The following NCKAP5L variants were observed in gnomAD, a reference collection of about 807,000 sequenced individuals.
The protein encoded by NCKAP5L is NCK associated protein 5 like.
In NCKAP5L, 54 loss-of-function variants were observed where a neutral mutation model predicts 103.2. That is an observed-to-expected ratio of 0.52 (90% CI 0.42 to 0.66). The LOEUF (loss-of-function observed/expected upper bound fraction) is 0.66, where lower values mean the gene tolerates loss of function less well. Ranked by LOEUF, NCKAP5L falls within the 30% of genes least tolerant of loss-of-function variation. NCKAP5L has a pLI of 0.00. For synonymous variants in NCKAP5L, 762 were observed against 748.6 expected (o/e 1.02, Z -0.29); for missense variants, 1,733 against 1,750.6 (o/e 0.99, Z 0.18).
intron 1 of NCKAP5L, among the ~76,000 whole-genome samples, chr12:49,813,282 C>T (rs561428667): frequency 6.6e-6 from 1 of 152,280 alleles, no homozygotes; most frequent in South Asian, 2.1e-4. Context: ...TATGAGGGTT[C>T]CAATTTCTCC....
Position 49,797,466 on chromosome 12 carries a change from G to GA in NCKAP5L, c.466-73_466-72insT. ...GATCCAGTTCCAGGCCCAGGCCCTG[G>GA]GCTGGCTTAACAGGGAATGCCAGGA... On this transcript the variant is annotated intron_variant, in intron 7 of 12. Coordinates refer to ENST00000335999, the MANE Select transcript of NCKAP5L (RefSeq NM_001037806.4). The surrounding 1 kb of genome is among the most constrained non-coding windows in gnomAD (Gnocchi z 4.5). 1 of 1,238,650 alleles carries GA rather than the reference G, an allele frequency of 8.1e-7. No homozygotes were observed. The highest frequency in any genetic ancestry group is 1.1e-6 in the Non-Finnish European group (1 of 897,116). 76.7% of individuals were successfully genotyped at this position (1,238,650 alleles called of 1,614,324 possible).
chr12:49,793,731 T>C lies in NCKAP5L; in HGVS notation c.3258+3A>G, dbSNP rs767319886. On this transcript the variant is annotated splice_donor_region_variant and intron_variant, in intron 9 of 12. Coordinates refer to ENST00000335999, the MANE Select transcript of NCKAP5L (RefSeq NM_001037806.4). ...CCACCCAGTCCCTACCCCAAGAACT[T>C]ACCTTTCCAGGAGGTTTTCCGCAGC... 1 of 1,547,580 alleles carries C rather than the reference T, an allele frequency of 6.5e-7. No homozygotes were observed. The highest frequency in any genetic ancestry group is 8.7e-7 in the Non-Finnish European group (1 of 1,146,998).
intron 1 of NCKAP5L, among the ~76,000 whole-genome samples, chr12:49,822,722 T>A (rs1946374668): frequency 6.6e-6 from 1 of 151,976 alleles, no homozygotes. Flanking sequence ...AATTTTTATA[T>A]TTTTTGGTAG....
chr12:49,807,317 A>G (rs1230000261), intron 1 of NCKAP5L, among the ~76,000 whole-genome samples: 1 of 151,966 alleles, frequency 6.6e-6, no homozygotes, highest in Non-Finnish European at 1.5e-5. Flanking sequence ...CTTGGAGGAA[A>G]AGGAAGACCT....
At chr12:49,815,329 A>C (rs1427308715) in intron 1 of NCKAP5L, among the ~76,000 whole-genome samples, 14 of 152,176 alleles carry the variant, frequency 9.2e-5, no homozygotes, top group African/African-American at 3.4e-4. Context: ...TATTAATTGC[A>C]AGTTTTCTAT....
In NCKAP5L at chr12:49,814,169, T is replaced by C. The variant is rs962857479; in HGVS notation, c.-98-8128A>G. Reference sequence around the variant, plus strand: ...GTCCTTTATTTTATATTTATATATATATATATATATATGATTTGAAAATAT... The same window carrying C: ...GTCCTTTATTTTATATTTATATATACATATATATATATGATTTGAAAATAT... On this transcript the variant is annotated intron_variant, in intron 1 of 12. Coordinates refer to ENST00000335999, the MANE Select transcript of NCKAP5L (RefSeq NM_001037806.4). 1.0e-3 allele frequency among the ~76,000 whole-genome samples: 154 copies of C among 148,498 alleles called. 2 individuals are homozygous for C. Among genetic ancestry groups the C allele is most frequent in the African/African-American group, 3.7e-3 (153 of 41,040 alleles).
rs773930278 is a variant in NCKAP5L at position 49,797,205 on chromosome 12, G to A, written c.655C>T (p.Pro219Ser). The A allele has an allele frequency of 6.2e-7, 1 of 1,613,246 alleles. No individual in the cohort carries two copies. Residue 219 changes from proline (P) to serine (S), a missense_variant, in exon 8 of 13, where the codon CCT (proline) becomes TCT (serine). Physicochemically the swap from Pro to Ser is moderately conservative, Grantham distance 74. Transcript: ENST00000335999. The surrounding 1 kb of genome is among the most constrained non-coding windows in gnomAD (Gnocchi z 4.5). ...ATPWRPPGQG[P>S]GSPEPINGEL... ...CCGTTGATGGGCTCTGGGGAGCCAG[G>A]CCCCTGGCCTGGAGGCCGCCAGGGG...
chr12:49,794,724 C>G (rs1190137894), intron 8 of NCKAP5L, 41 bp downstream of exon 8: 18 of 1,410,442 alleles, frequency 1.3e-5, no homozygotes, highest in Non-Finnish European at 1.7e-5. Flanking sequence ...AAAAGTGCCC[C>G]AAGCCCACCA....
At chr12:49,802,005 A>G in intron 5 of NCKAP5L, 38 bp from the exon 6 acceptor site, 1 of 1,610,086 alleles carries the variant, frequency 6.2e-7, no homozygotes, top group Non-Finnish European at 8.5e-7. Context: ...AGAAGAGGTG[A>G]GGATGGTGGG....
intron 1 of NCKAP5L, among the ~76,000 whole-genome samples, chr12:49,820,972 C>A (rs1946354905): frequency 6.6e-6 from 1 of 152,182 alleles, no homozygotes; most frequent in Admixed American, 6.5e-5. Flanking sequence ...CTCTCCCCTG[C>A]AGGGCACAGG....
At chr12:49,820,546 A>T (rs1281218206) in intron 1 of NCKAP5L, among the ~76,000 whole-genome samples, 1 of 152,034 alleles carries the variant, frequency 6.6e-6, no homozygotes, top group Non-Finnish European at 1.5e-5. Context: ...CGATCTCCTG[A>T]CCTTGTGATC....
intron 9 of NCKAP5L, 132 bp from the exon 10 acceptor site, chr12:49,793,565 A>G: frequency 8.1e-7 from 1 of 1,229,308 alleles, no homozygotes; most frequent in Non-Finnish European, 1.1e-6. Flanking sequence ...TATGGATCTG[A>G]GAGCCCCTGC....
chr12:49,815,880 C>T (rs749271284), intron 1 of NCKAP5L, among the ~76,000 whole-genome samples: 1 of 152,100 alleles, frequency 6.6e-6, no homozygotes, highest in Non-Finnish European at 1.5e-5. Flanking sequence ...TTCCAAGGAG[C>T]TCCACCATAG....
chr12:49,796,475 GGCA>G lies in NCKAP5L; in HGVS notation c.1382_1384del (p.Leu461del). 6.5e-7 allele frequency: 1 copy of G among 1,532,456 alleles called. No individual in the cohort carries two copies. Among genetic ancestry groups the G allele is most frequent in the Non-Finnish European group, 8.8e-7 (1 of 1,140,726 alleles). 94.9% of individuals were successfully genotyped at this position (1,532,456 alleles called of 1,614,324 possible). A position where few individuals can be genotyped will look rare whatever the true frequency, so the allele number is the denominator to read the frequency against. On this transcript the variant is annotated inframe_deletion, in exon 8 of 13. Transcript: ENST00000335999. ...GCTGGGGCTCTTCTCCGAGGTTGGA[GGCA>G]GCTTTAGAAACTTGAGACCCCTAGC...
At chr12:49,812,263 A>C (rs1053605247) in intron 1 of NCKAP5L, among the ~76,000 whole-genome samples, 3 of 152,090 alleles carry the variant, frequency 2.0e-5, no homozygotes, top group African/African-American at 7.2e-5. Flanking sequence ...TGGACATTTC[A>C]TGTGAATTCA....
At chr12:49,793,680 C>G in intron 9 of NCKAP5L, 54 bp downstream of exon 9, 1 of 1,496,502 alleles carries the variant, frequency 6.7e-7, no homozygotes, top group Non-Finnish European at 8.9e-7. Flanking sequence ...GGTAAGAGAC[C>G]TGGCAGGGCC....
rs538598726 is a variant in NCKAP5L, at chr12:49,800,363, G to A, written c.351+1485C>T. On this transcript the variant is annotated intron_variant, in intron 6 of 12. Coordinates refer to ENST00000335999, the MANE Select transcript of NCKAP5L (RefSeq NM_001037806.4). ...GCTCCCAACAGTCCCAGGGTCCTGG[G>A]CTCCTGTTGGCCTGCAGAGGCCTCA... is the stretch of plus-strand genomic sequence containing the variant. Among the ~76,000 whole-genome samples the A allele has an allele frequency of 9.2e-5, 14 of 152,330 alleles. No homozygotes were observed. The East Asian group carries it at 1.5e-3, about 17-fold the overall frequency.
chr12:49,823,731 C>CACAGCT (rs1468347296), intron 1 of NCKAP5L, among the ~76,000 whole-genome samples: 1 of 151,952 alleles, frequency 6.6e-6, no homozygotes, highest in Non-Finnish European at 1.5e-5. Flanking sequence ...CCTGACTGGG[C>CACAGCT]TCTTCTCAGC....
At chr12:49,823,343 C>G (rs1404950141) in intron 1 of NCKAP5L, among the ~76,000 whole-genome samples, 1 of 152,026 alleles carries the variant, frequency 6.6e-6, no homozygotes, top group Non-Finnish European at 1.5e-5. Context: ...TACAGAAGGG[C>G]CGATTACAGC....
Sources: allele counts gnomAD v4.1 joint callset (sites outside exome capture counted in the v4.1 genomes callset), GRCh38; gene constraint gnomAD v4.1.1; non-coding constraint Gnocchi (gnomAD v3.1); transcripts MANE v1.5; gene names NCBI Gene and HGNC (gene_info 2026-07-23, HGNC 2026-07-21).